The following EFCAB5 variants were observed in gnomAD, a reference collection of about 807,000 sequenced individuals.
EFCAB5 encodes EF-hand calcium-binding domain-containing protein 5.
A neutral mutation model predicts 167.9 loss-of-function variants in EFCAB5; 131 were observed. That is an observed-to-expected ratio of 0.78 (90% CI 0.68 to 0.90). The LOEUF (loss-of-function observed/expected upper bound fraction) is 0.90. Ranked by LOEUF, EFCAB5 falls within the 40% of genes least tolerant of loss-of-function variation. The probability of loss-of-function intolerance (pLI) is 0.00; values close to 1 mark genes in which losing one functional copy is unlikely to be tolerated. For synonymous variants in EFCAB5, 574 were observed against 602.8 expected, an observed-to-expected ratio of 0.95 and a Z score of 0.70; for missense variants, 1,663 against 1,745.2, an observed-to-expected ratio of 0.95 and a Z score of 0.84.
At chr17:30,103,374 C>A (rs1052120212) in intron 22 of EFCAB5, among the ~76,000 whole-genome samples, 10 of 151,862 alleles carry the variant, frequency 6.6e-5, no homozygotes, top group Admixed American at 3.9e-4. Context: ...TGATTTATAG[C>A]TACATCATTT....
intron 9 of EFCAB5, among the ~76,000 whole-genome samples, chr17:30,051,671 C>T (rs2070102100): frequency 6.6e-6 from 1 of 152,266 alleles, no homozygotes; most frequent in East Asian, 1.9e-4. Flanking sequence ...GATTCTCCCA[C>T]CTCAGCCACC....
intron 10 of EFCAB5, among the ~76,000 whole-genome samples, chr17:30,055,560 A>C (rs1240685115): frequency 6.6e-6 from 1 of 152,186 alleles, no homozygotes; most frequent in East Asian, 1.9e-4. Context: ...AGTTTCAGGC[A>C]TCCACTAGGG....
At position 29,942,097 on chromosome 17, in the gene EFCAB5, C is replaced by T. The variant is rs2067306679; in HGVS notation, c.43-143C>T. On this transcript the variant is annotated intron_variant, in intron 1 of 22. Transcript: ENST00000394835. ...TTGTTTGAATTTGTTGATACAACTACTTTGTGTAATTTTATTTCACATGAT... is the reference window on the plus strand; with the variant it reads ...TTGTTTGAATTTGTTGATACAACTATTTTGTGTAATTTTATTTCACATGAT... 3 of 776,768 alleles carry T rather than the reference C, an allele frequency of 3.9e-6. No homozygotes were observed. The South Asian group carries it at 6.5e-5, about 17-fold the overall frequency. The allele number at this position is 776,768 out of a possible 1,614,324, so 48.1% of individuals were successfully genotyped here.
At chr17:30,085,135 T>C (rs945844562) in intron 18 of EFCAB5, among the ~76,000 whole-genome samples, 1 of 152,172 alleles carries the variant, frequency 6.6e-6, no homozygotes, top group African/African-American at 2.4e-5. Flanking sequence ...TTCCTTGTGA[T>C]ACCCTGACTG....
At chr17:30,103,450 C>G (rs1025333149) in intron 22 of EFCAB5, among the ~76,000 whole-genome samples, 9 of 152,056 alleles carry the variant, frequency 5.9e-5, no homozygotes, top group African/African-American at 1.7e-4. Context: ...ATGCTTGTGA[C>G]ACTGTACAGA....
At chr17:30,033,836 C>T (rs749222939) in intron 7 of EFCAB5, among the ~76,000 whole-genome samples, 1 of 152,206 alleles carries the variant, frequency 6.6e-6, no homozygotes, top group African/African-American at 2.4e-5. Flanking sequence ...GCCAGTCTTG[C>T]AATACACATG....
rs370546643 is a variant in EFCAB5, at chr17:30,053,993, A to G, written c.2039A>G (p.Lys680Arg). 4 of 1,612,730 alleles carry G rather than the reference A, an allele frequency of 2.5e-6. No homozygotes were observed. Among genetic ancestry groups the G allele is most frequent in the Non-Finnish European group, 3.4e-6 (4 of 1,179,184 alleles). ...TSQSRKDSIL[K>R]STKYGEPITS... is the part of the protein sequence containing the mutation. ...CAATCAAGAAAAGATAGTATCTTAAAAAGTACAAAATATGGGGAACCTATA... is the reference window on the plus strand; with the variant it reads ...CAATCAAGAAAAGATAGTATCTTAAGAAGTACAAAATATGGGGAACCTATA... The change falls in exon 10 of 23, where the codon AAA becomes AGA. Residue 680 changes from lysine to arginine, a missense_variant. Lys to Arg is a conservative substitution (Grantham distance 26). Transcript: ENST00000394835.
intron 5 of EFCAB5, among the ~76,000 whole-genome samples, chr17:29,994,210 G>A (rs974389013): frequency 5.2e-5 from 7 of 135,588 alleles, no homozygotes; most frequent in East Asian, 4.6e-4. Flanking sequence ...ACACACACGC[G>A]GTGGGGGAGC....
At chr17:30,000,064 T>A in intron 7 of EFCAB5, 88 bp downstream of exon 7, 1 of 911,774 alleles carries the variant, frequency 1.1e-6, no homozygotes, top group Non-Finnish European at 1.6e-6. Context: ...ATTAAATTAG[T>A]ATTAAATGAA....
chr17:29,988,136 C>G (rs112650692), intron 4 of EFCAB5, among the ~76,000 whole-genome samples: 108 of 152,264 alleles, frequency 7.1e-4, no homozygotes, highest in Middle Eastern at 3.4e-3. Context: ...GTGAAAGTGT[C>G]TAGCATTAGG....
chr17:29,973,312 G>A (rs1261412141), intron 4 of EFCAB5, among the ~76,000 whole-genome samples: 1 of 152,148 alleles, frequency 6.6e-6, no homozygotes, highest in African/African-American at 2.4e-5. Context: ...CCTTTGGGGT[G>A]TCTTCAAAAG....
intron 3 of EFCAB5, among the ~76,000 whole-genome samples, chr17:29,958,506 G>A (rs1486323102): frequency 2.0e-5 from 3 of 152,124 alleles, no homozygotes; most frequent in African/African-American, 7.2e-5. Flanking sequence ...ATTTCAATCT[G>A]TTTGTTAAAT....
intron 22 of EFCAB5, among the ~76,000 whole-genome samples, chr17:30,100,405 ATGCAAAGG>A (rs1487278891): frequency 1.3e-5 from 2 of 152,202 alleles, no homozygotes; most frequent in African/African-American, 4.8e-5. Context: ...AAGGCAGTGG[ATGCAAAGG>A]TGGGAAGCAG....
At position 29,935,357 on chromosome 17, in the gene EFCAB5, G is replaced by C. The variant is rs576701798; in HGVS notation, c.-127+6028G>C. ...GAGGATTGCATAAGGCTAGGAATTT[G>C]AGAGCAGCCTGGGCAGCATAGTAAG... On this transcript the variant is annotated intron_variant, in intron 1 of 3. Transcript: ENST00000448319. Among the ~76,000 whole-genome samples, 17 of 152,224 alleles carry C rather than the reference G, an allele frequency of 1.1e-4. 1 individual carries two copies. The highest frequency in any genetic ancestry group is 8.3e-4 in the South Asian group (4 of 4,822).
intron 7 of EFCAB5, among the ~76,000 whole-genome samples, chr17:30,015,759 C>CTTTTTTTTTTTTTTTTTTTTTTTTTTT (rs71138866): frequency 7.7e-6 from 1 of 130,566 alleles, no homozygotes; most frequent in Non-Finnish European, 1.6e-5. Flanking sequence ...TTGGTTATTT[C>CTTTTTTTTTTTTTTTTTTTTTTTTTTT]TTTTTTTTTT....
intron 4 of EFCAB5, among the ~76,000 whole-genome samples, chr17:29,974,050 G>A (rs371004177): frequency 1.3e-5 from 2 of 150,990 alleles, no homozygotes; most frequent in Admixed American, 6.6e-5. Flanking sequence ...CCAGCTGCTC[G>A]GGAGGCTGAG....
chr17:29,942,413 G>A (rs1490878410), intron 2 of EFCAB5, 111 bp downstream of exon 2: 13 of 1,059,302 alleles, frequency 1.2e-5, no homozygotes, highest in South Asian at 4.6e-5. Context: ...AACTAAAATT[G>A]CAAAAGGAAA....
At chr17:30,003,104 G>GT (rs2068698570) in intron 7 of EFCAB5, among the ~76,000 whole-genome samples, 1 of 141,366 alleles carries the variant, frequency 7.1e-6, no homozygotes, top group Admixed American at 7.1e-5. Context: ...TGTAGCGGGG[G>GT]GGGGGTCTGA....
At chr17:30,089,395 G>A (rs2071151403) in intron 19 of EFCAB5, among the ~76,000 whole-genome samples, 1 of 152,066 alleles carries the variant, frequency 6.6e-6, no homozygotes, top group Admixed American at 6.5e-5. Flanking sequence ...CTGTAGGATT[G>A]ATATAGAAAC....
Sources: gnomAD v4.1 joint callset for allele counts (sites outside exome capture counted in the v4.1 genomes callset) on GRCh38, gnomAD v4.1.1 for gene constraint, MANE v1.5 for transcripts, NCBI Gene and HGNC (gene_info 2026-07-23, HGNC 2026-07-21) for gene names.